Variants in EFHC2 observed in about 807,000 individuals in gnomAD.
The protein encoded by EFHC2 is EF-hand domain-containing family member C2.
Under a neutral mutation model 52.7 loss-of-function variants are expected in EFHC2, and 18 were observed. The observed-to-expected ratio is 0.34, with a 90% CI of 0.24 to 0.51. The LOEUF (loss-of-function observed/expected upper bound fraction) is 0.51. EFHC2 is among the 20% of genes least tolerant of loss of function. The pLI is 0.97. For missense variants in EFHC2, 513 were observed against 562.5 expected, an observed-to-expected ratio of 0.91 and a Z score of 0.89; for synonymous variants, 203 against 204.1, an observed-to-expected ratio of 0.99 and a Z score of 0.04.
chrX:44,162,997 A>G (rs2036669239), intron 14 of EFHC2, among the ~76,000 whole-genome samples: 1 of 112,356 alleles, frequency 8.9e-6, no homozygotes, highest in East Asian at 2.8e-4. Context: ...AATCAACAAG[A>G]TAAGTAACTT....
At chrX:44,273,708 G>A (rs1399418636) in intron 2 of EFHC2, among the ~76,000 whole-genome samples, 1 of 111,586 alleles carries the variant, frequency 9.0e-6, no homozygotes, top group African/African-American at 3.3e-5. Context: ...AGCACGACAA[G>A]GTAATTGAGG....
In EFHC2 at chrX:44,277,153, G is replaced by A. The variant is rs778349293; in HGVS notation, c.232-4317C>T. ...GGGTGCCCGTAGTCCCAGCTACTCG[G>A]GAGGGTGAGGCAGGAGAATGGCATG... On this transcript the variant is annotated intron_variant, in intron 2 of 14. Coordinates refer to ENST00000420999, the MANE Select transcript of EFHC2 (RefSeq NM_025184.4). Among the ~76,000 whole-genome samples the A allele has an allele frequency of 1.5e-4, 16 of 109,061 alleles. No homozygotes were observed. In the Admixed American group the frequency reaches 1.5e-3, roughly 10 times the overall value. The allele number at this position is 109,061 out of a possible 115,157, so 94.7% of individuals were successfully genotyped here.
intron 2 of EFHC2, among the ~76,000 whole-genome samples, chrX:44,287,026 T>TAAAA (rs57970615): frequency 2.6e-4 from 4 of 15,194 alleles, no homozygotes; most frequent in Admixed American, 2.1e-3. Flanking sequence ...CTCCCATCTC[T>TAAAA]AAAAAAAAAA....
chrX:44,176,804 C>T (rs1210109504), intron 12 of EFHC2, among the ~76,000 whole-genome samples: 1 of 112,138 alleles, frequency 8.9e-6, no homozygotes, highest in Non-Finnish European at 1.9e-5. Context: ...TTTTTCTGTT[C>T]TTTTCCTTGG....
intron 1 of EFHC2, among the ~76,000 whole-genome samples, chrX:44,336,363 C>T (rs1410594396): frequency 1.9e-5 from 2 of 105,392 alleles, no homozygotes; most frequent in African/African-American, 3.5e-5. Context: ...CTCCCCTGGG[C>T]GACAGAGTGA....
In EFHC2 at chrX:44,338,455, T is replaced by C. The variant is rs781178149; in HGVS notation, c.42+5092A>G. Reference sequence around the variant, plus strand: ...GGTTGAGGCTGCGTGCAGTGAACTGTGAGCTGTGATCCTGCCACTGCACCC... The same window carrying C: ...GGTTGAGGCTGCGTGCAGTGAACTGCGAGCTGTGATCCTGCCACTGCACCC... On this transcript the variant is annotated intron_variant, in intron 1 of 14. Transcript: ENST00000420999. 1.4e-3 allele frequency among the ~76,000 whole-genome samples: 153 copies of C among 109,700 alleles called. 1 individual carries two copies. The highest frequency in any genetic ancestry group is 3.6e-3 in the African/African-American group (107 of 30,051).
rs1472073179 is a variant in EFHC2, at chrX:44,284,303, G to A, written c.232-11467C>T. ...TTTTAAAGAAATGGCTTCTCTGGAGGAGGGTATCTACAGCCTTAAAATTAA... is the reference window on the plus strand; with the variant it reads ...TTTTAAAGAAATGGCTTCTCTGGAGAAGGGTATCTACAGCCTTAAAATTAA... On this transcript the variant is annotated intron_variant, in intron 2 of 14. Transcript: ENST00000420999. 6 of 111,826 alleles carry A rather than the reference G, an allele frequency of 5.4e-5. No homozygotes were observed. In the East Asian group the frequency reaches 1.7e-3, roughly 32 times the overall value. 9.2% of individuals were successfully genotyped at this position (111,826 alleles called of 1,213,427 possible).
chrX:44,255,575 T>C (rs1301025212), intron 4 of EFHC2, among the ~76,000 whole-genome samples: 3 of 111,961 alleles, frequency 2.7e-5, no homozygotes, highest in Non-Finnish European at 5.6e-5. Context: ...AAGAGCCAAC[T>C]ATACTAAATA....
At chrX:44,155,881 A>G (rs1408180080) in intron 14 of EFHC2, among the ~76,000 whole-genome samples, 1 of 112,716 alleles carries the variant, frequency 8.9e-6, no homozygotes, top group Non-Finnish European at 1.9e-5. Flanking sequence ...GAGATAATCA[A>G]GAGCGTTCTG....
At chrX:44,304,995 C>T (rs147674673) in intron 2 of EFHC2, among the ~76,000 whole-genome samples, 14,123 of 110,099 alleles carry the variant, frequency 0.13, 678 homozygotes, top group Admixed American at 0.2. Context: ...GGCGTGGTGG[C>T]TCATGCCTGT....
chrX:44,330,519 A>G (rs1312493409), intron 1 of EFHC2, among the ~76,000 whole-genome samples: 3 of 110,960 alleles, frequency 2.7e-5, no homozygotes, highest in African/African-American at 9.8e-5. Context: ...AGTAAAAAAA[A>G]CAAGGCTGGG....
rs34889083 is a variant in EFHC2, at chrX:44,148,230, CGT to C, written c.*563_*564del. 6.8e-3 allele frequency: 692 copies of C among 101,719 alleles called. 4 individuals carry two copies. The highest frequency in any genetic ancestry group is 0.012 in the African/African-American group (344 of 27,843). 8.4% of individuals were successfully genotyped at this position (101,719 alleles called of 1,213,427 possible). ...TATGTTTCCAGTGTGTGTGCACGTG[CGT>C]GTGTGTGTGTGTGTGTGTGTGTGTT... On this transcript the variant is annotated 3_prime_UTR_variant, in exon 15 of 15. Transcript: ENST00000420999.
At chrX:44,156,318 T>C (rs2036605610) in intron 14 of EFHC2, among the ~76,000 whole-genome samples, 1 of 112,671 alleles carries the variant, frequency 8.9e-6, no homozygotes, top group South Asian at 3.6e-4. Flanking sequence ...GACTGTTATA[T>C]TCAACCACAA....
intron 1 of EFHC2, among the ~76,000 whole-genome samples, chrX:44,320,735 C>G (rs1008681522): frequency 6.4e-4 from 71 of 110,660 alleles, no homozygotes; most frequent in African/African-American, 2.2e-3. Flanking sequence ...TTGACTCCCT[C>G]CCATCCTCTA....
At chrX:44,196,434 C>A in intron 11 of EFHC2, among the ~76,000 whole-genome samples, 1 of 111,959 alleles carries the variant, frequency 8.9e-6, no homozygotes, top group Non-Finnish European at 1.9e-5. Flanking sequence ...TCATTTTATC[C>A]TACAGAACTG....
chrX:44,243,655 C>CA (rs2037377711), intron 7 of EFHC2, among the ~76,000 whole-genome samples: 1 of 111,944 alleles, frequency 8.9e-6, no homozygotes, highest in Non-Finnish European at 1.9e-5. Flanking sequence ...AAACAATCCC[C>CA]AAAAGAGTAT....
intron 11 of EFHC2, among the ~76,000 whole-genome samples, chrX:44,208,929 T>A (rs143532572): frequency 9.0e-6 from 1 of 110,674 alleles, no homozygotes; most frequent in African/African-American, 3.3e-5. Flanking sequence ...CCAATTCATA[T>A]GGATATGGGT....
intron 2 of EFHC2, among the ~76,000 whole-genome samples, chrX:44,286,766 C>A (rs2037751765): frequency 9.1e-6 from 1 of 110,325 alleles, no homozygotes; most frequent in Non-Finnish European, 1.9e-5. Context: ...GTCATTCCAG[C>A]ACTTTGGGAG....
intron 7 of EFHC2, among the ~76,000 whole-genome samples, chrX:44,244,946 C>T (rs1330653431): frequency 5.4e-5 from 6 of 112,033 alleles, no homozygotes; most frequent in Non-Finnish European, 1.9e-5. Flanking sequence ...GTATTCAATA[C>T]CCATGTCAAA....
Sources: allele counts gnomAD v4.1 joint callset (sites outside exome capture counted in the v4.1 genomes callset), GRCh38; gene constraint gnomAD v4.1.1; transcripts MANE v1.5; gene names NCBI Gene and HGNC (gene_info 2026-07-23, HGNC 2026-07-21).